The following LAMA2 variants were observed in gnomAD, a reference collection of about 807,000 sequenced individuals.
LAMA2 encodes the protein laminin subunit alpha 2.
LAMA2 carries 269 observed loss-of-function variants against 364.8 expected under a neutral mutation model. The observed-to-expected ratio is 0.74, with a 90% CI of 0.67 to 0.82. The LOEUF (loss-of-function observed/expected upper bound fraction) is 0.82, where lower values mean the gene tolerates loss of function less well. Among genes scored for constraint, LAMA2 ranks in the 40% least tolerant of loss-of-function variants. The pLI, the probability that LAMA2 is intolerant of heterozygous loss-of-function variation, is 0.00. For synonymous variants in LAMA2, 1,379 were observed against 1,370.6 expected, an observed-to-expected ratio of 1.01 and a Z score of -0.14; for missense variants, 3,807 against 3,873.2, an observed-to-expected ratio of 0.98 and a Z score of 0.45.
Position 129,401,384 on chromosome 6 carries a change from A to T in LAMA2, c.5562+44A>T, listed in dbSNP as rs776761937. 5 of 1,168,610 alleles carry T rather than the reference A, an allele frequency of 4.3e-6. No homozygotes were observed. The Admixed American group carries it at 6.7e-5, about 16-fold the overall frequency. 72.4% of individuals were successfully genotyped at this position (1,168,610 alleles called of 1,614,324 possible). A position where few individuals can be genotyped will look rare whatever the true frequency, so the allele number is the denominator to read the frequency against. On this transcript the variant is annotated intron_variant, in intron 38 of 64. Coordinates refer to ENST00000421865, the MANE Select transcript of LAMA2 (RefSeq NM_000426.4). ...TCAAAAGAGAGATGATAATGAATAA[A>T]TGGGAGCCGATGAGAAAGCTCAGTA...
intron 8 of LAMA2, among the ~76,000 whole-genome samples, chr6:129,155,140 A>T (rs1311548830): frequency 6.6e-6 from 1 of 152,224 alleles, no homozygotes; most frequent in Admixed American, 6.5e-5. Context: ...TTTTAAATCC[A>T]TTCTCCTGTT....
intron 55 of LAMA2, among the ~76,000 whole-genome samples, chr6:129,482,818 TG>T (rs1784410916): frequency 6.6e-6 from 1 of 152,098 alleles, no homozygotes; most frequent in South Asian, 2.1e-4. Flanking sequence ...CCCAGCACTT[TG>T]GGAGGCCAAG....
At position 129,438,733 on chromosome 6, in the gene LAMA2, C is replaced by G. The variant is rs142276947; in HGVS notation, c.6056C>G (p.Thr2019Ser). 1 of 1,599,214 alleles carries G rather than the reference C, an allele frequency of 6.3e-7. No homozygotes were observed. Among genetic ancestry groups the G allele is most frequent in the African/African-American group, 1.3e-5 (1 of 74,560 alleles). The change falls in exon 42 of 65, where the codon ACT (threonine) becomes AGT (serine). Residue 2019 changes from threonine (T) to serine (S), a missense_variant. By Grantham distance (58) the Thr-to-Ser change is moderately conservative (BLOSUM62 1). This residue lies in a region of LAMA2 where 3,333 missense variants were observed against 3,345.7 expected (regional missense o/e 1.00). Transcript: ENST00000421865. ...GATCTCTTGAGAACTTTGAATGACACTTTGGGAAAGTTATCAGCTATTCCA... is the reference window on the plus strand; with the variant it reads ...GATCTCTTGAGAACTTTGAATGACAGTTTGGGAAAGTTATCAGCTATTCCA... ...NGDLLRTLNDTLGKLSAIPND... is the reference protein window; with the variant it reads ...NGDLLRTLNDSLGKLSAIPND...
chr6:129,051,077 C>A (rs1445143025), intron 2 of LAMA2, among the ~76,000 whole-genome samples: 1 of 151,808 alleles, frequency 6.6e-6, no homozygotes, highest in Non-Finnish European at 1.5e-5. Context: ...ATGCTAAAGT[C>A]ATCTAAAGAT....
chr6:129,227,721 G>T (rs1041161131), intron 12 of LAMA2, among the ~76,000 whole-genome samples: 7 of 152,274 alleles, frequency 4.6e-5, no homozygotes, highest in African/African-American at 1.7e-4. Context: ...GGCCGTGTGG[G>T]ATGTCAGTCT....
chr6:129,470,325 A>G (rs1451134883), intron 51 of LAMA2, among the ~76,000 whole-genome samples: 1 of 151,876 alleles, frequency 6.6e-6, no homozygotes, highest in Non-Finnish European at 1.5e-5. Flanking sequence ...AAAGTACGCA[A>G]GGAAAATATA....
chr6:129,260,539 A>G (rs1256836227), intron 14 of LAMA2, among the ~76,000 whole-genome samples, 172 bp from the exon 15 acceptor site: 3 of 152,152 alleles, frequency 2.0e-5, no homozygotes, highest in African/African-American at 4.8e-5. Context: ...GACTGAGCCA[A>G]CTTGACCTAA....
intron 58 of LAMA2, 149 bp downstream of exon 58, chr6:129,492,632 T>C: frequency 1.4e-6 from 1 of 708,512 alleles, no homozygotes; most frequent in Non-Finnish European, 2.4e-6. Context: ...TACATCTTCA[T>C]TGAATGACTT....
At chr6:129,049,801 C>A in intron 1 of LAMA2, 117 bp from the exon 2 acceptor site, 1 of 811,466 alleles carries the variant, frequency 1.2e-6, no homozygotes, top group Non-Finnish European at 2.1e-6. Flanking sequence ...CATTAATTAT[C>A]TCATGTTGGG....
intron 3 of LAMA2, among the ~76,000 whole-genome samples, chr6:129,069,607 T>C (rs562389664): frequency 6.7e-6 from 1 of 148,972 alleles, no homozygotes; most frequent in South Asian, 2.1e-4. Flanking sequence ...TGGTTATTGT[T>C]ACAAGGAGAG....
chr6:129,252,382 G>T, intron 14 of LAMA2, 87 bp downstream of exon 14: 2 of 950,694 alleles, frequency 2.1e-6, no homozygotes, highest in East Asian at 2.5e-5. Context: ...ATTTTTTAAG[G>T]CACCTAGGAT....
At chr6:129,414,423 T>C (rs1780684982) in intron 40 of LAMA2, among the ~76,000 whole-genome samples, 1 of 152,054 alleles carries the variant, frequency 6.6e-6, no homozygotes, top group Non-Finnish European at 1.5e-5. Context: ...AATGAAATAT[T>C]ATAAAACCCA....
At chr6:129,322,772 A>G (rs1775048182) in intron 28 of LAMA2, among the ~76,000 whole-genome samples, 2 of 152,206 alleles carry the variant, frequency 1.3e-5, no homozygotes, top group South Asian at 4.1e-4. Context: ...TTTTCATGCA[A>G]CCAACCTTCC....
chr6:129,264,972 G>C (rs1248690384), intron 15 of LAMA2, among the ~76,000 whole-genome samples: 1 of 152,142 alleles, frequency 6.6e-6, no homozygotes, highest in Non-Finnish European at 1.5e-5. Context: ...AGTTATATGA[G>C]GCTAAGAGGA....
rs1466709152 is a variant in LAMA2, at chr6:128,961,344, T to TAATATG, written c.112+77988_112+77989insATATGA. Among the ~76,000 whole-genome samples, 117 of 83,802 alleles carry TAATATG rather than the reference T, an allele frequency of 1.4e-3. 2 individuals are homozygous for TAATATG. Among genetic ancestry groups the TAATATG allele is most frequent in the African/African-American group, 4.8e-3 (109 of 22,626 alleles). The allele number at this position is 83,802 out of a possible 152,430, so 55.0% of individuals were successfully genotyped here. A position where few individuals can be genotyped will look rare whatever the true frequency, so the allele number is the denominator to read the frequency against. On this transcript the variant is annotated intron_variant, in intron 1 of 64. Coordinates refer to ENST00000421865, the MANE Select transcript of LAMA2 (RefSeq NM_000426.4). ...ATATATATATATATATATATATATA[T>TAATATG]ATATATATATATATATATATATATT...
In LAMA2 at chr6:128,927,004, G is replaced by A. The variant is rs144495982; in HGVS notation, c.112+43647G>A. On this transcript the variant is annotated intron_variant, in intron 1 of 64. Coordinates refer to ENST00000421865, the MANE Select transcript of LAMA2 (RefSeq NM_000426.4). Reference sequence around the variant, plus strand: ...GGTATAGTTTTGGGTATAAACCATCGAGCAAGCACAAAACAGTGAAGCTGA... The same window carrying A: ...GGTATAGTTTTGGGTATAAACCATCAAGCAAGCACAAAACAGTGAAGCTGA... 4.6e-5 allele frequency among the ~76,000 whole-genome samples: 7 copies of A among 152,252 alleles called. No homozygotes were observed. In the East Asian group the frequency reaches 7.7e-4, roughly 17 times the overall value.
intron 1 of LAMA2, among the ~76,000 whole-genome samples, chr6:128,923,302 T>C (rs905832794): frequency 2.0e-5 from 3 of 151,498 alleles, no homozygotes; most frequent in African/African-American, 7.3e-5. Context: ...CCTTGGGCAG[T>C]ATGGCCATTT....
In LAMA2 at chr6:129,481,269, T is replaced by G; in HGVS notation, c.7579T>G (p.Tyr2527Asp). The G allele has an allele frequency of 6.2e-7, 1 of 1,613,584 alleles. No homozygotes were observed. The highest frequency in any genetic ancestry group is 1.7e-5 in the Admixed American group (1 of 59,996). ...VTKGCSLENV[Y>D]TVSFPKPGFV... ...TCTTTTCCTTTACTCACAGAATGTTTACACAGTTAGCTTTCCTAAGCCTGG... is the reference window on the plus strand; with the variant it reads ...TCTTTTCCTTTACTCACAGAATGTTGACACAGTTAGCTTTCCTAAGCCTGG... The change falls in exon 55 of 65, where the codon TAC becomes GAC. Residue 2527 changes from tyrosine (Y) to aspartate (D), a missense_variant. Physicochemically the swap from Tyr to Asp is radical, Grantham distance 160 (BLOSUM62 -3). Around this residue, in one of 3 missense-constraint regions of LAMA2, gnomAD observed 3,333 missense variants for 3,345.7 expected, o/e 1.00. Coordinates refer to ENST00000421865, the MANE Select transcript of LAMA2 (RefSeq NM_000426.4).
chr6:129,255,570 G>A (rs896889011), intron 14 of LAMA2, among the ~76,000 whole-genome samples: 5 of 151,964 alleles, frequency 3.3e-5, no homozygotes, highest in East Asian at 1.9e-4. Flanking sequence ...CAGCATAACC[G>A]AGTCCATCGT....
Sources: allele counts gnomAD v4.1 joint callset (sites outside exome capture counted in the v4.1 genomes callset), GRCh38; gene constraint gnomAD v4.1.1; regional missense constraint gnomAD v4.1.1; transcripts MANE v1.5; gene names NCBI Gene and HGNC (gene_info 2026-07-23, HGNC 2026-07-21).